Variants in TMOD3 observed in about 807,000 individuals in gnomAD.
The protein encoded by TMOD3 is tropomodulin-3.
Under a neutral mutation model 39.2 loss-of-function variants are expected in TMOD3, and 20 were observed. That is an observed-to-expected ratio of 0.51 (90% CI 0.36 to 0.74). The LOEUF is 0.74. TMOD3 is among the 30% of genes least tolerant of loss of function. The probability of loss-of-function intolerance (pLI) is 0.00; values close to 1 mark genes in which losing one functional copy is unlikely to be tolerated. For missense variants in TMOD3, 381 were observed against 412.8 expected, an observed-to-expected ratio of 0.92 and a Z score of 0.67; for synonymous variants, 143 against 145.8, an observed-to-expected ratio of 0.98 and a Z score of 0.14.
Position 51,862,833 on chromosome 15 carries a change from C to T in TMOD3, c.-52C>T. ...TAGCTTTAAGAAAAAGTAGAGATCA[C>T]TTCTGACTGTACTGAACAGCAAAAA... On this transcript the variant is annotated 5_prime_UTR_variant, in exon 2 of 10. Transcript: ENST00000308580. The T allele has an allele frequency of 6.4e-7, 1 of 1,565,176 alleles. No homozygotes were observed. Among genetic ancestry groups the T allele is most frequent in the Non-Finnish European group, 8.6e-7 (1 of 1,160,152 alleles).
chr15:51,832,554 G>A (rs567259519), intron 1 of TMOD3, among the ~76,000 whole-genome samples: 101 of 152,026 alleles, frequency 6.6e-4, no homozygotes, highest in African/African-American at 2.4e-3. Context: ...AATTAGAACC[G>A]GATGTGGTGG....
At chr15:51,860,449 G>C (rs924223106) in intron 1 of TMOD3, 2 of 563,422 alleles carry the variant, frequency 3.5e-6, no homozygotes, top group African/African-American at 3.8e-5. Flanking sequence ...AAGTAGTCTT[G>C]ATAAAGTTTT....
At chr15:51,890,288 C>T (rs2056585879) in intron 5 of TMOD3, among the ~76,000 whole-genome samples, 1 of 151,340 alleles carries the variant, frequency 6.6e-6, no homozygotes, top group Admixed American at 6.6e-5. Flanking sequence ...CTTGCCTTAG[C>T]CACCTGAGTA....
At chr15:51,876,200 G>C (rs2056502356) in intron 3 of TMOD3, among the ~76,000 whole-genome samples, 1 of 152,056 alleles carries the variant, frequency 6.6e-6, no homozygotes, top group South Asian at 2.1e-4. Context: ...ACAGGGTCTT[G>C]CTCTGTTGTC....
intron 1 of TMOD3, among the ~76,000 whole-genome samples, chr15:51,849,822 T>C (rs1274276387): frequency 2.0e-5 from 3 of 151,822 alleles, no homozygotes; most frequent in Non-Finnish European, 4.4e-5. Flanking sequence ...TAATCCCAGC[T>C]ACTCGGGAGG....
intron 9 of TMOD3, among the ~76,000 whole-genome samples, chr15:51,905,486 A>G (rs1034656532): frequency 3.6e-5 from 5 of 139,676 alleles, no homozygotes; most frequent in African/African-American, 1.3e-4. Context: ...GACTTTGTCT[A>G]AAAAAAAAAA....
chr15:51,909,814 A>G lies in TMOD3; in HGVS notation c.*1004A>G, dbSNP rs1007338367. The stretch of plus-strand genomic sequence containing the variant: ...TTACACCATATCCGAAGAAGTTCCT[A>G]TGTGCAGTGCAGAATTGCATAAACA... On this transcript the variant is annotated 3_prime_UTR_variant, in exon 10 of 10. Transcript: ENST00000308580. 3 of 152,248 alleles carry G rather than the reference A, an allele frequency of 2.0e-5. No individual in the cohort carries two copies. Among genetic ancestry groups the G allele is most frequent in the Non-Finnish European group, 2.9e-5 (2 of 68,038 alleles). 9.4% of individuals were successfully genotyped at this position (152,248 alleles called of 1,614,324 possible).
intron 1 of TMOD3, among the ~76,000 whole-genome samples, chr15:51,850,797 C>T (rs1208007817): frequency 7.2e-5 from 11 of 152,012 alleles, no homozygotes; most frequent in African/African-American, 1.7e-4. Flanking sequence ...AGTGCAGTGG[C>T]GCGATCTCGG....
intron 1 of TMOD3, among the ~76,000 whole-genome samples, chr15:51,843,642 A>C (rs542188803): frequency 3.3e-4 from 50 of 152,230 alleles, no homozygotes; most frequent in African/African-American, 1.1e-3. Context: ...AGGTCTTAGA[A>C]CCTTTCCTGG....
intron 1 of TMOD3, among the ~76,000 whole-genome samples, chr15:51,844,808 A>G (rs976422677): frequency 6.6e-6 from 1 of 152,238 alleles, no homozygotes; most frequent in Non-Finnish European, 1.5e-5. Context: ...AATTAGCTGT[A>G]TAAGTTTGCT....
At chr15:51,887,998 C>G (rs1373584169) in intron 4 of TMOD3, among the ~76,000 whole-genome samples, 1 of 152,198 alleles carries the variant, frequency 6.6e-6, no homozygotes, top group Non-Finnish European at 1.5e-5. Flanking sequence ...CTTTCATCAC[C>G]TGGTGCTCAG....
chr15:51,866,319 A>G (rs917687485), intron 2 of TMOD3, among the ~76,000 whole-genome samples: 2 of 152,096 alleles, frequency 1.3e-5, no homozygotes, highest in African/African-American at 2.4e-5. Flanking sequence ...AGCCGGGGGC[A>G]TGGTGGTGCA....
At chr15:51,842,248 CCT>C (rs1301636161) in intron 1 of TMOD3, among the ~76,000 whole-genome samples, 1 of 152,124 alleles carries the variant, frequency 6.6e-6, no homozygotes, top group Non-Finnish European at 1.5e-5. Context: ...AGTGAATACC[CCT>C]CTCCCCTTAC....
intron 3 of TMOD3, among the ~76,000 whole-genome samples, chr15:51,872,838 G>T (rs2056482676): frequency 6.6e-6 from 1 of 152,170 alleles, no homozygotes; most frequent in Non-Finnish European, 1.5e-5. Flanking sequence ...CCGAACAAGA[G>T]ATTTTCATTC....
chr15:51,886,184 T>C (rs1595905921), intron 3 of TMOD3, among the ~76,000 whole-genome samples: 1 of 148,510 alleles, frequency 6.7e-6, no homozygotes, highest in East Asian at 2.0e-4. Flanking sequence ...CTTCCCAGAC[T>C]GGGCAGCCAG....
chr15:51,870,600 C>T (rs1290601886), intron 3 of TMOD3, among the ~76,000 whole-genome samples: 2 of 152,162 alleles, frequency 1.3e-5, no homozygotes, highest in African/African-American at 4.8e-5. Flanking sequence ...ACTCCAGCTT[C>T]TATAGTAGAG....
At chr15:51,865,202 G>C (rs1410033875) in intron 2 of TMOD3, among the ~76,000 whole-genome samples, 3 of 151,984 alleles carry the variant, frequency 2.0e-5, no homozygotes, top group Non-Finnish European at 4.4e-5. Context: ...ATGTTACCCA[G>C]ACTGAAAAAC....
At chr15:51,834,813 T>G (rs977495920) in intron 1 of TMOD3, among the ~76,000 whole-genome samples, 1 of 152,172 alleles carries the variant, frequency 6.6e-6, no homozygotes, top group Non-Finnish European at 1.5e-5. Context: ...AGGGCCAGAG[T>G]AAGACCCTGT....
intron 3 of TMOD3, among the ~76,000 whole-genome samples, chr15:51,885,290 T>C (rs984486235): frequency 3.4e-4 from 52 of 150,830 alleles, no homozygotes; most frequent in Middle Eastern, 3.4e-3. Context: ...TTTTCTTTTT[T>C]TTTTTTTTTT....
Sources: allele counts gnomAD v4.1 joint callset (sites outside exome capture counted in the v4.1 genomes callset), GRCh38; gene constraint gnomAD v4.1.1; transcripts MANE v1.5; gene names NCBI Gene and HGNC (gene_info 2026-07-23, HGNC 2026-07-21).